The following SPTLC3 variants were observed in gnomAD, a reference collection of about 807,000 sequenced individuals.
SPTLC3 encodes the protein serine palmitoyltransferase long chain base subunit 3.
Under a neutral mutation model 59.3 loss-of-function variants are expected in SPTLC3, and 36 were observed. That is an observed-to-expected ratio of 0.61 (90% CI 0.47 to 0.80). The LOEUF is 0.80. Ranked by LOEUF, SPTLC3 falls within the 30% of genes least tolerant of loss-of-function variation. The pLI is 0.00. For synonymous variants in SPTLC3, 257 were observed against 240.8 expected (o/e 1.07, Z -0.62); for missense variants, 625 against 685.1 (o/e 0.91, Z 0.98).
At chr20:13,128,660 T>C (rs971438566) in intron 9 of SPTLC3, among the ~76,000 whole-genome samples, 3 of 152,056 alleles carry the variant, frequency 2.0e-5, no homozygotes, top group Admixed American at 1.3e-4. Flanking sequence ...ACCTTTTATT[T>C]TGGAGGGGGA....
chr20:13,097,877 A>G (rs1162169042), intron 6 of SPTLC3, among the ~76,000 whole-genome samples: 1 of 152,192 alleles, frequency 6.6e-6, no homozygotes, highest in Non-Finnish European at 1.5e-5. Context: ...CCTAGACTAG[A>G]TTCCAAAAGA....
At chr20:13,140,535 A>T (rs2038356936) in intron 9 of SPTLC3, among the ~76,000 whole-genome samples, 1 of 152,116 alleles carries the variant, frequency 6.6e-6, no homozygotes, top group South Asian at 2.1e-4. Context: ...TCCGATTAAC[A>T]TCACTTGCAT....
rs563342161 is a variant in SPTLC3 at position 13,154,547 on chromosome 20, C to T, written c.1415+409C>T. 3.3e-5 allele frequency among the ~76,000 whole-genome samples: 5 copies of T among 152,252 alleles called. No homozygotes were observed. The East Asian group carries it at 5.8e-4, about 18-fold the overall frequency. ...GCTTTCTCCCATTGAACTCTGCAGC[C>T]GTCCTCAGAAGAGGACATTCTCATT... On this transcript the variant is annotated intron_variant, in intron 10 of 11. Coordinates refer to ENST00000399002, the MANE Select transcript of SPTLC3 (RefSeq NM_018327.4).
At chr20:13,103,119 T>C (rs189891092) in intron 6 of SPTLC3, among the ~76,000 whole-genome samples, 29 of 152,340 alleles carry the variant, frequency 1.9e-4, no homozygotes, top group Admixed American at 3.3e-4. Context: ...CAATCTGCTT[T>C]ATAAAACTTA....
rs1004400040 is a variant in SPTLC3, at chr20:13,128,878, T to C, written c.1279+2161T>C. Among the ~76,000 whole-genome samples, 45 of 149,406 alleles carry C rather than the reference T, an allele frequency of 3.0e-4. 1 individual carries two copies. The highest frequency in any genetic ancestry group is 1.1e-3 in the African/African-American group (45 of 40,660). On this transcript the variant is annotated intron_variant, in intron 9 of 11. Coordinates refer to ENST00000399002, the MANE Select transcript of SPTLC3 (RefSeq NM_018327.4). ...CACCACCATGCCCAGCTAATTTTTT[T>C]TTTTTTTTTTTTTTGGAGACAGAGT... is the stretch of plus-strand genomic sequence containing the variant.
intron 11 of SPTLC3, among the ~76,000 whole-genome samples, chr20:13,160,456 A>C (rs2038873018): frequency 6.6e-6 from 1 of 152,234 alleles, no homozygotes; most frequent in Non-Finnish European, 1.5e-5. Context: ...TTTTAGACTT[A>C]ATTACATGCA....
At chr20:13,128,318 G>T (rs2038040668) in intron 9 of SPTLC3, among the ~76,000 whole-genome samples, 2 of 152,312 alleles carry the variant, frequency 1.3e-5, no homozygotes, top group East Asian at 3.9e-4. Context: ...CAGGATAAGG[G>T]AGGTTTTGCC....
intron 9 of SPTLC3, among the ~76,000 whole-genome samples, chr20:13,128,768 A>G (rs1217251217): frequency 1.5e-4 from 23 of 151,726 alleles, no homozygotes; most frequent in Admixed American, 1.4e-3. Context: ...TTGGCTCACT[A>G]CAACCTCCAC....
At position 13,063,800 on chromosome 20, in the gene SPTLC3, G is replaced by A. The variant is rs2474505; in HGVS notation, c.304-8456G>A. On this transcript the variant is annotated intron_variant, in intron 2 of 11. Transcript: ENST00000399002. Reference sequence around the variant, plus strand: ...CACCAGAGTAGCTGGGATTACAGGCGCCCGCCACCACACCCACTTAATTTG... The same window carrying A: ...CACCAGAGTAGCTGGGATTACAGGCACCCGCCACCACACCCACTTAATTTG... Among the ~76,000 whole-genome samples the A allele has an allele frequency of 8.4e-3, 1,256 of 149,882 alleles. 17 individuals are homozygous for A. The highest frequency in any genetic ancestry group is 0.028 in the African/African-American group (1,146 of 40,812).
chr20:13,090,324 T>G (rs1237753604), intron 4 of SPTLC3, among the ~76,000 whole-genome samples: 1 of 152,206 alleles, frequency 6.6e-6, no homozygotes. Context: ...ATTGGGCTTC[T>G]AAGATTAAAT....
intron 6 of SPTLC3, among the ~76,000 whole-genome samples, chr20:13,095,027 G>T (rs1339189446): frequency 6.6e-6 from 1 of 152,152 alleles, no homozygotes; most frequent in Non-Finnish European, 1.5e-5. Flanking sequence ...GTCACATCTA[G>T]ACTCAAATCT....
chr20:13,152,210 A>T (rs573794813), intron 9 of SPTLC3, among the ~76,000 whole-genome samples: 1 of 152,310 alleles, frequency 6.6e-6, no homozygotes, highest in Admixed American at 6.5e-5. Context: ...TGCGTATAAC[A>T]TAGGATTACA....
chr20:13,019,096 T>C (rs986512174), intron 1 of SPTLC3, among the ~76,000 whole-genome samples: 1 of 152,148 alleles, frequency 6.6e-6, no homozygotes, highest in Non-Finnish European at 1.5e-5. Context: ...GAGTTTCAGA[T>C]TGCAAATGCC....
At position 13,150,677 on chromosome 20, in the gene SPTLC3, C is replaced by T. The variant is rs575696227; in HGVS notation, c.1280-3326C>T. 2.2e-4 allele frequency among the ~76,000 whole-genome samples: 33 copies of T among 152,268 alleles called. No homozygotes were observed. The East Asian group carries it at 6.2e-3, about 29-fold the overall frequency. On this transcript the variant is annotated intron_variant, in intron 9 of 11. Transcript: ENST00000399002. Reference sequence around the variant, plus strand: ...CCTTCCAATCATTAAATGTGGGATTCTTCAATTCCTGTAGTCTCACCTCAT... The same window carrying T: ...CCTTCCAATCATTAAATGTGGGATTTTTCAATTCCTGTAGTCTCACCTCAT...
chr20:13,148,064 A>C (rs1329199314), intron 9 of SPTLC3, among the ~76,000 whole-genome samples: 1 of 152,220 alleles, frequency 6.6e-6, no homozygotes, highest in Non-Finnish European at 1.5e-5. Flanking sequence ...TTAACAGAGA[A>C]GAAATTTTCC....
intron 6 of SPTLC3, among the ~76,000 whole-genome samples, chr20:13,104,501 T>G (rs1234318544): frequency 6.6e-6 from 1 of 152,208 alleles, no homozygotes; most frequent in Non-Finnish European, 1.5e-5. Context: ...CACGTGGAGC[T>G]GTAAGTCCAT....
chr20:13,018,149 G>A (rs1985638097), intron 1 of SPTLC3, among the ~76,000 whole-genome samples: 1 of 152,164 alleles, frequency 6.6e-6, no homozygotes, highest in Non-Finnish European at 1.5e-5. Context: ...GTTGGGCTCT[G>A]CCCATATTAA....
intron 2 of SPTLC3, among the ~76,000 whole-genome samples, chr20:13,062,216 C>T (rs866825715): frequency 7.2e-5 from 11 of 152,158 alleles, no homozygotes; most frequent in Non-Finnish European, 1.6e-4. Context: ...TCCCCCATCT[C>T]CCCCACCAGG....
At chr20:13,016,441 T>A (rs1985531891) in intron 1 of SPTLC3, among the ~76,000 whole-genome samples, 1 of 152,184 alleles carries the variant, frequency 6.6e-6, no homozygotes, top group Non-Finnish European at 1.5e-5. Flanking sequence ...TAATGCAAAG[T>A]GGATATTATT....
Sources: allele counts gnomAD v4.1 joint callset (sites outside exome capture counted in the v4.1 genomes callset), GRCh38; gene constraint gnomAD v4.1.1; transcripts MANE v1.5; gene names NCBI Gene and HGNC (gene_info 2026-07-23, HGNC 2026-07-21).